GLIS3: variants seen among roughly 807,000 people sequenced by gnomAD.
GLIS3 encodes the protein GLIS family zinc finger 3, also known as zinc finger protein GLIS3.
Under a neutral mutation model 78.6 loss-of-function variants are expected in GLIS3, and 53 were observed. The observed-to-expected ratio is 0.67, with a 90% CI of 0.54 to 0.85. The LOEUF (loss-of-function observed/expected upper bound fraction) is 0.85. Ranked by LOEUF, GLIS3 falls within the 40% of genes least tolerant of loss-of-function variation. The pLI, the probability that GLIS3 is intolerant of heterozygous loss-of-function variation, is 0.00. For synonymous variants in GLIS3, 684 were observed against 509.9 expected (o/e 1.34, Z -4.60); for missense variants, 1,703 against 1,231.1 (o/e 1.38, Z -5.74).
chr9:4,307,162 A>G (rs1391409588), intron 4 of GLIS3, among the ~76,000 whole-genome samples: 1 of 152,198 alleles, frequency 6.6e-6, no homozygotes, highest in Non-Finnish European at 1.5e-5. Flanking sequence ...CTCACAGTGT[A>G]GAGGCTAATG....
chr9:4,196,391 G>A lies in GLIS3; in HGVS notation c.389-70450C>T, dbSNP rs550703774. Among the ~76,000 whole-genome samples the A allele has an allele frequency of 2.2e-3, 334 of 152,310 alleles. 1 individual carries two copies. Among genetic ancestry groups the A allele is most frequent in the Non-Finnish European group, 3.7e-3 (249 of 68,034 alleles). The stretch of plus-strand genomic sequence containing the variant: ...GCTGCCCCAGCCAGCAGTGGCAACC[G>A]GCTCAGGTCCCTTTCCGCACTGTGG... On this transcript the variant is annotated intron_variant, in intron 2 of 10. Transcript: ENST00000381971.
At chr9:4,347,429 GA>G (rs1817910198) in intron 1 of GLIS3, among the ~76,000 whole-genome samples, 1 of 151,972 alleles carries the variant, frequency 6.6e-6, no homozygotes. Context: ...ATAGCAACCT[GA>G]AAAAATCTTT....
chr9:4,370,598 A>G, the GLIS3 span, among the ~76,000 whole-genome samples: 1 of 152,208 alleles, frequency 6.6e-6, no homozygotes, highest in Non-Finnish European at 1.5e-5. Context: ...GTGGAAGGAC[A>G]GAAGAACGGA....
chr9:4,033,016 G>A (rs1445090496), intron 4 of GLIS3, among the ~76,000 whole-genome samples: 1 of 152,090 alleles, frequency 6.6e-6, no homozygotes, highest in East Asian at 1.9e-4. Context: ...ACCACGCCTG[G>A]CTAATTTTTT....
intron 2 of GLIS3, among the ~76,000 whole-genome samples, chr9:4,261,479 A>G (rs1490416159): frequency 6.6e-6 from 1 of 152,164 alleles, no homozygotes; most frequent in East Asian, 1.9e-4. Context: ...GGTAGGGAAG[A>G]ATATCTCTAT....
At chr9:4,462,127 G>T in the GLIS3 span, among the ~76,000 whole-genome samples, 2 of 151,986 alleles carry the variant, frequency 1.3e-5, no homozygotes, top group African/African-American at 4.8e-5. Context: ...ATTAGATTAC[G>T]TCTACTCTAG....
chr9:4,401,795 C>T, the GLIS3 span, among the ~76,000 whole-genome samples: 1 of 151,896 alleles, frequency 6.6e-6, no homozygotes, highest in African/African-American at 2.4e-5. Flanking sequence ...AGTATTTCAC[C>T]ATGTTGCCCA....
chr9:4,346,638 C>T (rs960803144), intron 2 of GLIS3, among the ~76,000 whole-genome samples: 5 of 152,192 alleles, frequency 3.3e-5, no homozygotes, highest in African/African-American at 1.2e-4. Context: ...GTAGGACTAA[C>T]AAGCAGTGGC....
intron 2 of GLIS3, among the ~76,000 whole-genome samples, chr9:4,170,778 C>G (rs1171729609): frequency 6.6e-6 from 1 of 152,126 alleles, no homozygotes; most frequent in East Asian, 1.9e-4. Flanking sequence ...TAAAAACTAC[C>G]TAAATCCACA....
intron 4 of GLIS3, among the ~76,000 whole-genome samples, chr9:4,075,176 G>C (rs564482971): frequency 1.3e-5 from 2 of 151,140 alleles, no homozygotes; most frequent in South Asian, 4.2e-4. Context: ...GGTACCACGA[G>C]TGTATGCATA....
the GLIS3 span, among the ~76,000 whole-genome samples, chr9:4,488,144 G>A: frequency 6.6e-6 from 1 of 152,074 alleles, no homozygotes; most frequent in Non-Finnish European, 1.5e-5. Flanking sequence ...TGTAGAGACA[G>A]TGGTCTAATT....
intron 2 of GLIS3, among the ~76,000 whole-genome samples, chr9:4,260,761 G>GA (rs1563851441): frequency 1.3e-5 from 2 of 151,570 alleles, no homozygotes; most frequent in Non-Finnish European, 2.9e-5. Context: ...GAAAAAAAAA[G>GA]AAAAAAAGGA....
At chr9:4,382,075 T>C in the GLIS3 span, among the ~76,000 whole-genome samples, 1 of 152,214 alleles carries the variant, frequency 6.6e-6, no homozygotes, top group Non-Finnish European at 1.5e-5. Flanking sequence ...TCTCGGAATG[T>C]CACCCTTTTC....
At chr9:4,329,236 C>G (rs1817647521) in intron 2 of GLIS3, among the ~76,000 whole-genome samples, 1 of 152,046 alleles carries the variant, frequency 6.6e-6, no homozygotes, top group Admixed American at 6.5e-5. Context: ...CCACGACCCC[C>G]AGGCCTGCAT....
Position 4,299,403 on chromosome 9 carries a change from C to G in GLIS3, c.-99+18G>C, listed in dbSNP as rs1280152951. The G allele has an allele frequency of 2.0e-5, 3 of 152,366 alleles. No homozygotes were observed. The highest frequency in any genetic ancestry group is 2.1e-4 in the South Asian group (1 of 4,834). The allele number at this position is 152,366 out of a possible 1,614,324, so 9.4% of individuals were successfully genotyped here. A position where few individuals can be genotyped will look rare whatever the true frequency, so the allele number is the denominator to read the frequency against. Reference sequence around the variant, plus strand: ...TCGTCTCTCGCCTGCGAGCAAAGTTCCTATGGCATCCACTTACCAGGTAAC... The same window carrying G: ...TCGTCTCTCGCCTGCGAGCAAAGTTGCTATGGCATCCACTTACCAGGTAAC... On this transcript the variant is annotated intron_variant, in intron 1 of 10. Coordinates refer to ENST00000381971, the MANE Select transcript of GLIS3 (RefSeq NM_001042413.2).
intron 2 of GLIS3, among the ~76,000 whole-genome samples, chr9:4,215,453 G>A (rs912964754): frequency 6.6e-6 from 1 of 152,060 alleles, no homozygotes; most frequent in Admixed American, 6.6e-5. Context: ...TGTGGGGGAT[G>A]CACAAAGCCT....
intron 4 of GLIS3, among the ~76,000 whole-genome samples, chr9:4,084,256 A>AACACACACACACACACACACACAC (rs370384726): frequency 1.3e-3 from 178 of 132,182 alleles, no homozygotes; most frequent in African/African-American, 2.0e-3. Flanking sequence ...TCCTCTCTCT[A>AACACACACACACACACACACACAC]ACACACACAC....
At chr9:4,102,894 C>T (rs948592815) in intron 4 of GLIS3, among the ~76,000 whole-genome samples, 5 of 151,694 alleles carry the variant, frequency 3.3e-5, no homozygotes, top group African/African-American at 4.8e-5. Context: ...TCCTTAAGAG[C>T]TTTACATAGA....
chr9:3,956,035 A>C (rs1434614966), intron 4 of GLIS3, among the ~76,000 whole-genome samples: 51 of 151,418 alleles, frequency 3.4e-4, no homozygotes, highest in Non-Finnish European at 4.3e-4. Context: ...CAGCAAAAAA[A>C]AAAAAAAAAA....
Sources: allele counts gnomAD v4.1 joint callset (sites outside exome capture counted in the v4.1 genomes callset), GRCh38; gene constraint gnomAD v4.1.1; transcripts MANE v1.5; gene names NCBI Gene and HGNC (gene_info 2026-07-23, HGNC 2026-07-21).